ILKAP: variants seen among roughly 807,000 people sequenced by gnomAD.
ILKAP encodes the protein ILK associated serine/threonine phosphatase.
A neutral mutation model predicts 49.1 loss-of-function variants in ILKAP; 11 were observed. The ratio of observed to expected loss-of-function variants is 0.22; its 90% CI spans 0.14 to 0.37. ILKAP has a LOEUF of 0.37. Among genes scored for constraint, ILKAP ranks in the 10% least tolerant of loss-of-function variants. The pLI, the probability that ILKAP is intolerant of heterozygous loss-of-function variation, is 1.00. For missense variants in ILKAP, 363 were observed against 510.8 expected (o/e 0.71, Z 2.79); for synonymous variants, 186 against 192.8 (o/e 0.96, Z 0.29).
At chr2:238,202,190 C>T (rs2106343356) in intron 1 of ILKAP, among the ~76,000 whole-genome samples, 1 of 152,310 alleles carries the variant, frequency 6.6e-6, no homozygotes, top group Middle Eastern at 3.4e-3. Context: ...TGCACTCCAG[C>T]CTGGGCGACA....
intron 3 of ILKAP, among the ~76,000 whole-genome samples, chr2:238,190,817 G>A (rs1694087761): frequency 7.1e-6 from 1 of 141,336 alleles, no homozygotes; most frequent in Admixed American, 7.9e-5. Context: ...TGAGGCAGAA[G>A]GATCACTTCA....
intron 1 of ILKAP, among the ~76,000 whole-genome samples, chr2:238,197,862 C>T (rs377266404): frequency 2.0e-5 from 3 of 152,302 alleles, no homozygotes; most frequent in African/African-American, 2.4e-5. Context: ...CACACATCTT[C>T]TCATTTAATT....
intron 3 of ILKAP, 25 bp downstream of exon 3, chr2:238,194,250 A>C: frequency 6.2e-7 from 1 of 1,604,186 alleles, no homozygotes; most frequent in Non-Finnish European, 8.5e-7. Flanking sequence ...TTCCATCAGC[A>C]CCTTGGATTT....
intron 3 of ILKAP, 60 bp downstream of exon 3, chr2:238,194,215 A>AT: frequency 2.1e-6 from 3 of 1,431,572 alleles, no homozygotes; most frequent in Non-Finnish European, 2.9e-6. Flanking sequence ...TAAATTTCAC[A>AT]TAAGAGTAAA....
At chr2:238,191,870 G>A (rs1340964029) in intron 3 of ILKAP, among the ~76,000 whole-genome samples, 4 of 146,236 alleles carry the variant, frequency 2.7e-5, no homozygotes, top group Non-Finnish European at 4.5e-5. Flanking sequence ...TCGCCACTGC[G>A]CTCCAGCCTA....
At chr2:238,181,442 A>G (rs902996430) in intron 9 of ILKAP, among the ~76,000 whole-genome samples, 7 of 152,202 alleles carry the variant, frequency 4.6e-5, no homozygotes, top group South Asian at 4.1e-4. Flanking sequence ...CAAAGATTTA[A>G]AGAGAGAGTG....
intron 2 of ILKAP, 80 bp downstream of exon 2, chr2:238,194,725 A>C: frequency 1.4e-6 from 2 of 1,390,702 alleles, no homozygotes; most frequent in Non-Finnish European, 2.0e-6. Context: ...AATGGGGGAA[A>C]GGGAAAAAGA....
At chr2:238,187,242 G>C (rs759407421) in intron 5 of ILKAP, among the ~76,000 whole-genome samples, 6 of 152,204 alleles carry the variant, frequency 3.9e-5, no homozygotes, top group Non-Finnish European at 8.8e-5. Context: ...AAGACAGCAA[G>C]ACCCTGTCTC....
At chr2:238,182,493 A>G (rs902778877) in intron 8 of ILKAP, among the ~76,000 whole-genome samples, 2 of 152,212 alleles carry the variant, frequency 1.3e-5, no homozygotes, top group Non-Finnish European at 2.9e-5. Flanking sequence ...GAAGCACTCA[A>G]CAAGTATCAA....
chr2:238,182,574 C>G (rs1693742051), intron 8 of ILKAP, among the ~76,000 whole-genome samples: 1 of 152,192 alleles, frequency 6.6e-6, no homozygotes, highest in Non-Finnish European at 1.5e-5. Context: ...AAGAGGAGGG[C>G]AAGCGTTGTG....
intron 4 of ILKAP, 37 bp downstream of exon 4, chr2:238,189,816 G>A: frequency 1.9e-6 from 3 of 1,596,304 alleles, no homozygotes; most frequent in Non-Finnish European, 1.7e-6. Flanking sequence ...TTTAAAATAT[G>A]AAGTCTAATA....
rs371375112 is a variant in ILKAP at position 238,170,514 on chromosome 2, G to A, written c.*22C>T. 1.9e-6 allele frequency: 3 copies of A among 1,576,926 alleles called. No homozygotes were observed. Among genetic ancestry groups the A allele is most frequent in the Non-Finnish European group, 1.7e-6 (2 of 1,155,808 alleles). ...AACCTTTTAAGTCAATACCATGCGT[G>A]CTCCTGGCCGCGCGCCACCCCTCAG... is the stretch of plus-strand genomic sequence containing the variant. On this transcript the variant is annotated 3_prime_UTR_variant, in exon 12 of 12. Transcript: ENST00000254654.
intron 1 of ILKAP, among the ~76,000 whole-genome samples, chr2:238,196,732 T>C (rs918923623): frequency 3.3e-5 from 5 of 152,230 alleles, no homozygotes; most frequent in African/African-American, 1.2e-4. Context: ...AAGAAATTCC[T>C]GAGTTAACAA....
chr2:238,184,475 C>T (rs1269836692), intron 6 of ILKAP, among the ~76,000 whole-genome samples: 1 of 152,130 alleles, frequency 6.6e-6, no homozygotes, highest in East Asian at 1.9e-4. Context: ...GCGTGGGTCA[C>T]CAGGGCTGGC....
At chr2:238,173,906 T>C (rs1204020831) in intron 9 of ILKAP, 4 of 487,990 alleles carry the variant, frequency 8.2e-6, no homozygotes, top group African/African-American at 5.9e-5. Context: ...TGCCAAGCAG[T>C]GCTGCCCAGC....
intron 1 of ILKAP, among the ~76,000 whole-genome samples, chr2:238,198,827 T>C (rs879943233): frequency 1.3e-5 from 2 of 152,218 alleles, no homozygotes; most frequent in Admixed American, 1.3e-4. Context: ...TAAAGGTTGC[T>C]GTATCCAATA....
intron 6 of ILKAP, among the ~76,000 whole-genome samples, chr2:238,184,566 A>AT (rs200708964): frequency 0.013 from 1,989 of 150,710 alleles, 38 homozygotes; most frequent in African/African-American, 0.046. Flanking sequence ...CCTTTTTTAA[A>AT]TTTTTTTTTC....
At chr2:238,194,482 A>AAT (rs1559300072) in intron 2 of ILKAP, 151 bp from the exon 3 acceptor site, 3 of 660,202 alleles carry the variant, frequency 4.5e-6, no homozygotes, top group Non-Finnish European at 8.0e-6. Flanking sequence ...AATGAATAAT[A>AAT]TCTTGAACCT....
intron 6 of ILKAP, among the ~76,000 whole-genome samples, chr2:238,184,557 CT>C (rs1037996039): frequency 6.6e-6 from 1 of 151,674 alleles, no homozygotes; most frequent in African/African-American, 2.4e-5. Flanking sequence ...TATTTCTTTC[CT>C]TTTTTAAATT....
Sources: gnomAD v4.1 joint callset for allele counts (sites outside exome capture counted in the v4.1 genomes callset) on GRCh38, gnomAD v4.1.1 for gene constraint, MANE v1.5 for transcripts, NCBI Gene and HGNC (gene_info 2026-07-23, HGNC 2026-07-21) for gene names.